Variants in PYROXD2 observed in about 807,000 individuals in gnomAD.
The protein encoded by PYROXD2 is pyridine nucleotide-disulfide oxidoreductase domain-containing protein 2.
In PYROXD2, 69 loss-of-function variants were observed where a neutral mutation model predicts 71.1. That is an observed-to-expected ratio of 0.97 (90% confidence interval 0.80 to 1.19). PYROXD2 has a LOEUF of 1.19. Among genes scored for constraint, PYROXD2 ranks in the 50% most tolerant of loss-of-function variants. The probability of loss-of-function intolerance (pLI) is 0.00; values close to 1 mark genes in which losing one functional copy is unlikely to be tolerated. For synonymous variants in PYROXD2, 287 were observed against 302.7 expected (o/e 0.95, Z 0.54); for missense variants, 745 against 748.9 (o/e 0.99, Z 0.06).
At chr10:98,413,342 G>A (rs1300482260) in intron 1 of PYROXD2, among the ~76,000 whole-genome samples, 1 of 152,206 alleles carries the variant, frequency 6.6e-6, no homozygotes, top group Non-Finnish European at 1.5e-5. Flanking sequence ...GTTATAGCAT[G>A]AATAAATAGC....
chr10:98,400,642 T>C (rs6584194), intron 4 of PYROXD2, among the ~76,000 whole-genome samples: 77,065 of 151,938 alleles, frequency 0.51, 21,994 homozygotes, highest in African/African-American at 0.78. Context: ...CACCACACTA[T>C]GCCATGCCAT....
At chr10:98,406,371 A>G (rs1337371714) in intron 4 of PYROXD2, among the ~76,000 whole-genome samples, 1 of 152,188 alleles carries the variant, frequency 6.6e-6, no homozygotes, top group Non-Finnish European at 1.5e-5. Flanking sequence ...GCCACTATGA[A>G]TAAGTGGTGC....
At chr10:98,389,556 C>G (rs938732315) in intron 12 of PYROXD2, among the ~76,000 whole-genome samples, 1 of 152,298 alleles carries the variant, frequency 6.6e-6, no homozygotes, top group Non-Finnish European at 1.5e-5. Context: ...TGCTCTCTCT[C>G]CAGCCACTCT....
chr10:98,392,941 C>T lies in PYROXD2; in HGVS notation c.927+1G>A, dbSNP rs769845311. 1 of 1,613,530 alleles carries T rather than the reference C, an allele frequency of 6.2e-7. No homozygotes were observed. The highest frequency in any genetic ancestry group is 8.5e-7 in the Non-Finnish European group (1 of 1,179,722). On this transcript the variant is annotated splice_donor_variant, in intron 9 of 15. Coordinates refer to ENST00000370575, the MANE Select transcript of PYROXD2 (RefSeq NM_032709.3). LOFTEE classifies it high-confidence loss of function. ...TGGGGTGGGGTAGAGGGGCCGTTCA[C>T]CTTTTCAGTGAAGATGCTTGCTCCA... is the stretch of plus-strand genomic sequence containing the variant.
intron 2 of PYROXD2, chr10:98,410,526 A>C: frequency 5.2e-6 from 1 of 192,046 alleles, no homozygotes; most frequent in Non-Finnish European, 1.1e-5. Flanking sequence ...CTGGCTGGGA[A>C]CACAGGGCTC....
At chr10:98,383,913 G>C (rs1486100968) in intron 15 of PYROXD2, 45 bp from the exon 16 acceptor site, 8 of 1,568,740 alleles carry the variant, frequency 5.1e-6, no homozygotes, top group Non-Finnish European at 7.0e-6. Flanking sequence ...TCAAAAACCT[G>C]CCAGGGTGGG....
At chr10:98,410,742 T>C (rs1258651897) in intron 2 of PYROXD2, 197 bp downstream of exon 2, 2 of 720,408 alleles carry the variant, frequency 2.8e-6, no homozygotes, top group Non-Finnish European at 4.5e-6. Flanking sequence ...AAGGAGCCTG[T>C]GATGTCCACA....
At chr10:98,395,329 G>C (rs369356386) in intron 7 of PYROXD2, 36 bp from the exon 8 acceptor site, 1 of 1,613,400 alleles carries the variant, frequency 6.2e-7, no homozygotes, top group African/African-American at 1.3e-5. Context: ...GGGCTTAGGA[G>C]CCTGGATGGG....
chr10:98,388,644 G>A (rs1377932296), intron 12 of PYROXD2, 136 bp from the exon 13 acceptor site: 4 of 1,025,118 alleles, frequency 3.9e-6, no homozygotes, highest in South Asian at 3.6e-5. Context: ...AGCCACAGTG[G>A]TTGTCCACCT....
chr10:98,399,405 C>G (rs1843311871), intron 5 of PYROXD2, among the ~76,000 whole-genome samples: 2 of 152,194 alleles, frequency 1.3e-5, no homozygotes, highest in South Asian at 4.1e-4. Flanking sequence ...ACAAAATGGC[C>G]ATTCAAATAA....
At chr10:98,414,866 C>T in intron 1 of PYROXD2, 143 bp downstream of exon 1, 1 of 1,270,392 alleles carries the variant, frequency 7.9e-7, no homozygotes. Flanking sequence ...CATTGCAGCC[C>T]CTGCTAGCGT....
intron 13 of PYROXD2, 55 bp downstream of exon 13, chr10:98,388,299 G>C (rs906196345): frequency 7.5e-6 from 12 of 1,590,404 alleles, no homozygotes; most frequent in Middle Eastern, 1.7e-4. Context: ...AGCAGGCCCA[G>C]TTGGGTCGCA....
chr10:98,394,871 GGA>G (rs2135960708), intron 8 of PYROXD2, among the ~76,000 whole-genome samples: 1 of 152,100 alleles, frequency 6.6e-6, no homozygotes, highest in Non-Finnish European at 1.5e-5. Context: ...GCGGGAGGTG[GGA>G]GAGAGGCTTT....
At chr10:98,407,374 C>T (rs1843633464) in intron 4 of PYROXD2, among the ~76,000 whole-genome samples, 1 of 152,154 alleles carries the variant, frequency 6.6e-6, no homozygotes, top group Non-Finnish European at 1.5e-5. Context: ...ATGAAATTTC[C>T]CACTTTTCAA....
At position 98,401,273 on chromosome 10, in the gene PYROXD2, A is replaced by AACAAAC. The variant is rs1554879095; in HGVS notation, c.316-1017_316-1016insGTTTGT. On this transcript the variant is annotated intron_variant, in intron 4 of 15. Coordinates refer to ENST00000370575, the MANE Select transcript of PYROXD2 (RefSeq NM_032709.3). ...TGTCTCAAAAAAAAAAAAACAAAAA[A>AACAAAC]AAACAAACATAGAAAAGGTACATTA... Among the ~76,000 whole-genome samples, 636 of 121,624 alleles carry AACAAAC rather than the reference A, an allele frequency of 5.2e-3. 6 individuals carry two copies. The highest frequency in any genetic ancestry group is 7.4e-3 in the Non-Finnish European group (455 of 61,580). The allele number at this position is 121,624 out of a possible 152,430, so 79.8% of individuals were successfully genotyped here. A position where few individuals can be genotyped will look rare whatever the true frequency, so the allele number is the denominator to read the frequency against.
chr10:98,392,990 C>G lies in PYROXD2; in HGVS notation c.879G>C (p.Ala293=), dbSNP rs757059548. The change falls in exon 9 of 16, where the codon GCG becomes GCC. Residue 293 remains alanine (A), a synonymous_variant. Coordinates refer to ENST00000370575, the MANE Select transcript of PYROXD2 (RefSeq NM_032709.3). ...VQGGMGALSD[A]IASSATTHGA... ...CATGTGTGGTGGCTGAGCTTGCGAT[C>G]GCATCAGAGAGGGCACCCATGCCCC... 9.3e-6 allele frequency: 15 copies of G among 1,613,708 alleles called. No homozygotes were observed. Among genetic ancestry groups the G allele is most frequent in the Non-Finnish European group, 1.2e-5 (14 of 1,179,820 alleles).
intron 4 of PYROXD2, among the ~76,000 whole-genome samples, 172 bp from the exon 5 acceptor site, chr10:98,400,429 AGTACCCTATG>A (rs1843354893): frequency 6.6e-6 from 1 of 152,120 alleles, no homozygotes; most frequent in African/African-American, 2.4e-5. Context: ...CTCTTGCCCA[AGTACCCTATG>A]GTAGACGATA....
intron 5 of PYROXD2, among the ~76,000 whole-genome samples, chr10:98,397,891 T>C (rs1843249791): frequency 6.9e-6 from 1 of 145,630 alleles, no homozygotes; most frequent in South Asian, 2.3e-4. Context: ...TTTTTTTTTT[T>C]TTTTTTTTTG....
Position 98,391,082 on chromosome 10 carries a change from C to T in PYROXD2, c.1063G>A (p.Glu355Lys), listed in dbSNP as rs1309007982. The stretch of plus-strand genomic sequence containing the variant: ...TCCAGGAACTCCTCAGGAAGCCACT[C>T]CTGGAAGGAGAAGGCTCCATGAAAG... Reference protein sequence around the residue: ...QITFLKLTPQEWLPEEFLERI... With the variant: ...QITFLKLTPQKWLPEEFLERI... The change falls in exon 11 of 16, where the codon GAG (glutamate) becomes AAG (lysine). Residue 355 changes from glutamate (E) to lysine (K), a missense_variant and splice_region_variant. By Grantham distance (56) the Glu-to-Lys change is moderately conservative. Transcript: ENST00000370575. The T allele has an allele frequency of 6.2e-7, 1 of 1,607,900 alleles. No individual in the cohort carries two copies. Among genetic ancestry groups the T allele is most frequent in the Non-Finnish European group, 8.5e-7 (1 of 1,174,544 alleles).
Sources: gnomAD v4.1 joint callset for allele counts (sites outside exome capture counted in the v4.1 genomes callset) on GRCh38, gnomAD v4.1.1 for gene constraint, MANE v1.5 for transcripts, NCBI Gene and HGNC (gene_info 2026-07-23, HGNC 2026-07-21) for gene names.